The following SPANXN3 variants were observed in gnomAD, a reference collection of about 807,000 sequenced individuals.
SPANXN3 encodes sperm protein associated with the nucleus on the X chromosome N3.
A neutral mutation model predicts 1.9 loss-of-function variants in SPANXN3; 1 was observed. The ratio of observed to expected loss-of-function variants is 0.54; its 90% CI spans 0.19 to 2.54. The LOEUF is 2.54. Among genes scored for constraint, SPANXN3 ranks in the 30% most tolerant of loss-of-function variants. SPANXN3 has a pLI of 0.24. For missense variants in SPANXN3, 113 were observed against 96.2 expected (o/e 1.17, Z -0.73); for synonymous variants, 47 against 40.0 (o/e 1.17, Z -0.66).
chrX:143,511,920 T>C (rs1194427260), intron 1 of SPANXN3, among the ~76,000 whole-genome samples: 5 of 111,697 alleles, frequency 4.5e-5, no homozygotes, highest in Non-Finnish European at 9.4e-5. Flanking sequence ...CAGTCTCTAG[T>C]AAGTCCATGT....
intron 1 of SPANXN3, among the ~76,000 whole-genome samples, chrX:143,512,386 T>C (rs1474860756): frequency 9.0e-6 from 1 of 111,656 alleles, no homozygotes; most frequent in African/African-American, 3.3e-5. Flanking sequence ...ATCCCCTTAA[T>C]CCAGCCGTGC....
intron 1 of SPANXN3, among the ~76,000 whole-genome samples, chrX:143,513,914 G>A (rs1556412108): frequency 8.9e-6 from 1 of 112,291 alleles, no homozygotes; most frequent in Non-Finnish European, 1.9e-5. Context: ...CCTAACCAGG[G>A]CCCTCACCCT....
chrX:143,511,651 A>G (rs1395164342), intron 1 of SPANXN3, among the ~76,000 whole-genome samples: 1 of 111,858 alleles, frequency 8.9e-6, no homozygotes, highest in Non-Finnish European at 1.9e-5. Context: ...CAAGGCATAC[A>G]GAATTCCTCA....
intron 1 of SPANXN3, among the ~76,000 whole-genome samples, chrX:143,515,064 A>C (rs1253789168): frequency 1.7e-4 from 19 of 110,395 alleles, no homozygotes; most frequent in African/African-American, 6.3e-4. Context: ...ATAAGACAGT[A>C]CACAAATGCT....
intron 1 of SPANXN3, among the ~76,000 whole-genome samples, chrX:143,513,729 C>T (rs1556412072): frequency 8.9e-6 from 1 of 112,070 alleles, no homozygotes; most frequent in Non-Finnish European, 1.9e-5. Context: ...CTCTCCTCCT[C>T]CTTCCAACAC....
At chrX:143,512,498 G>C (rs1929115947) in intron 1 of SPANXN3, among the ~76,000 whole-genome samples, 1 of 111,445 alleles carries the variant, frequency 9.0e-6, no homozygotes, top group Admixed American at 9.5e-5. Context: ...CCAAAAGACA[G>C]ACGGGACTTA....
rs1158362456 is a variant in SPANXN3, at chrX:143,514,595, C to T, written c.78+2719G>A. On this transcript the variant is annotated intron_variant, in intron 1 of 1. Coordinates refer to ENST00000370503, the MANE Select transcript of SPANXN3 (RefSeq NM_001009609.4). ...AGAAAGTGATTCCTATACCTTCTGA[C>T]AATAGTAGATACATTCTCTGGATGG... 2.7e-5 allele frequency among the ~76,000 whole-genome samples: 3 copies of T among 111,205 alleles called. No individual in the cohort carries two copies. In the Admixed American group the frequency reaches 2.9e-4, roughly 11 times the overall value.
chrX:143,515,131 A>G (rs1206786471), intron 1 of SPANXN3, among the ~76,000 whole-genome samples: 1 of 110,510 alleles, frequency 9.0e-6, no homozygotes, highest in African/African-American at 3.3e-5. Flanking sequence ...CCCTACAACC[A>G]GGGGACTGGG....
At chrX:143,515,489 G>A (rs1349048844) in intron 1 of SPANXN3, among the ~76,000 whole-genome samples, 1 of 111,053 alleles carries the variant, frequency 9.0e-6, no homozygotes, top group African/African-American at 3.3e-5. Flanking sequence ...AATAGTCCAT[G>A]CCAATTCGTC....
intron 1 of SPANXN3, among the ~76,000 whole-genome samples, chrX:143,514,645 G>A (rs782598964): frequency 1.8e-4 from 20 of 110,973 alleles, no homozygotes; most frequent in Non-Finnish European, 2.5e-4. Context: ...CACCACCACC[G>A]AAAAGGCACA....
intron 1 of SPANXN3, among the ~76,000 whole-genome samples, chrX:143,511,077 G>C (rs1427935818): frequency 5.4e-5 from 6 of 111,614 alleles, no homozygotes; most frequent in African/African-American, 2.0e-4. Flanking sequence ...CTCAAGGAAT[G>C]TCTGTACTTC....
chrX:143,508,895 C>T lies in SPANXN3; in HGVS notation c.346G>A (p.Asp116Asn). ...EGPSKEDKDL[D>N]SSEGSSQEDE... ...TCCTGTGAGGATCCTTCAGATGAGTCTAGATCTTTGTCCTCCTTTGAAGGT... is the reference window on the plus strand; with the variant it reads ...TCCTGTGAGGATCCTTCAGATGAGTTTAGATCTTTGTCCTCCTTTGAAGGT... The change falls in exon 2 of 2, where the codon GAC becomes AAC. Residue 116 changes from aspartate to asparagine, a missense_variant. Physicochemically the swap from Asp to Asn is conservative, Grantham distance 23 (BLOSUM62 1). Coordinates refer to ENST00000370503, the MANE Select transcript of SPANXN3 (RefSeq NM_001009609.4). The T allele has an allele frequency of 8.3e-7, 1 of 1,211,699 alleles. No homozygotes were observed. Among genetic ancestry groups the T allele is most frequent in the Non-Finnish European group, 1.1e-6 (1 of 895,421 alleles).
At chrX:143,513,304 G>C (rs1280266150) in intron 1 of SPANXN3, among the ~76,000 whole-genome samples, 1 of 111,925 alleles carries the variant, frequency 8.9e-6, no homozygotes, top group Non-Finnish European at 1.9e-5. Flanking sequence ...CCGTTACTTT[G>C]TATGTACATT....
chrX:143,509,436 A>G (rs782099762), intron 1 of SPANXN3, among the ~76,000 whole-genome samples: 6 of 111,729 alleles, frequency 5.4e-5, no homozygotes, highest in Middle Eastern at 4.6e-3. Context: ...GGTTCAGGCC[A>G]TGAGCAACAT....
At position 143,513,063 on chromosome X, in the gene SPANXN3, G is replaced by A. The variant is rs1292589966; in HGVS notation, c.79-3901C>T. The stretch of plus-strand genomic sequence containing the variant: ...CAACCCAATGAAAGGAGCTAATTTG[G>A]GACATGCCCTTTCCTCACACAAAAA... On this transcript the variant is annotated intron_variant, in intron 1 of 1. Coordinates refer to ENST00000370503, the MANE Select transcript of SPANXN3 (RefSeq NM_001009609.4). Among the ~76,000 whole-genome samples, 4 of 110,029 alleles carry A rather than the reference G, an allele frequency of 3.6e-5. No homozygotes were observed. The Admixed American group carries it at 3.8e-4, about 11-fold the overall frequency.
intron 1 of SPANXN3, among the ~76,000 whole-genome samples, chrX:143,510,714 C>T (rs1929072267): frequency 9.0e-6 from 1 of 110,595 alleles, no homozygotes; most frequent in Non-Finnish European, 1.9e-5. Flanking sequence ...AGGAGAAACC[C>T]CCCAAAATGC....
chrX:143,510,845 C>A (rs782767883), intron 1 of SPANXN3, among the ~76,000 whole-genome samples: 1 of 109,975 alleles, frequency 9.1e-6, no homozygotes, highest in East Asian at 2.9e-4. Context: ...CCTCCACCCC[C>A]TTACTGTCAC....
chrX:143,508,997 G>A lies in SPANXN3; in HGVS notation c.244C>T (p.Gln82Ter). The change falls in exon 2 of 2, where the codon CAA (glutamine) becomes TAA (stop). Residue 82 changes from glutamine to a stop codon, truncating the protein, a stop_gained. Coordinates refer to ENST00000370503, the MANE Select transcript of SPANXN3 (RefSeq NM_001009609.4). LOFTEE classifies it low-confidence loss of function (END_TRUNC). Reference protein sequence around the residue: ...QSQENSINPIQKEEDEGVDLS... With the variant: ...QSQENSINPI ...TCTACGCCTTCGTCCTCCTCCTTTT[G>A]GATTGGATTGATGGAGTTCTCTTGG... The A allele has an allele frequency of 1.7e-6, 2 of 1,211,708 alleles. No homozygotes were observed. The highest frequency in any genetic ancestry group is 2.2e-6 in the Non-Finnish European group (2 of 895,498).
At position 143,517,358 on chromosome X, in the gene SPANXN3, T is replaced by C. The variant is rs782241263; in HGVS notation, c.34A>G (p.Lys12Glu). Reference sequence around the variant, plus strand: ...TTGGATTCACAGGGGCTCTTCGTCTTCTCCCCATTGGTGCTGGAAGTTGGC... The same window carrying C: ...TTGGATTCACAGGGGCTCTTCGTCTCCTCCCCATTGGTGCTGGAAGTTGGC... ...EQPTSSTNGE[K>E]TKSPCESNNK... Residue 12 changes from lysine to glutamate, a missense_variant, in exon 1 of 2, where the codon AAG (lysine) becomes GAG (glutamate). By Grantham distance (56) the Lys-to-Glu change is moderately conservative. Transcript: ENST00000370503. 2 of 1,209,591 alleles carry C rather than the reference T, an allele frequency of 1.7e-6. No individual in the cohort carries two copies. Among genetic ancestry groups the C allele is most frequent in the African/African-American group, 3.5e-5 (2 of 57,095 alleles).
Sources: allele counts gnomAD v4.1 joint callset (sites outside exome capture counted in the v4.1 genomes callset), GRCh38; gene constraint gnomAD v4.1.1; transcripts MANE v1.5; gene names NCBI Gene and HGNC (gene_info 2026-07-23, HGNC 2026-07-21).